Variants in TBC1D16 observed in about 807,000 individuals in gnomAD.
TBC1D16 encodes CTD-2529O21.1.
A neutral mutation model predicts 74.7 loss-of-function variants in TBC1D16; 58 were observed. The ratio of observed to expected loss-of-function variants is 0.78; its 90% CI spans 0.63 to 0.97. The LOEUF is 0.97. TBC1D16 is among the 50% of genes least tolerant of loss of function. The pLI, the probability that TBC1D16 is intolerant of heterozygous loss-of-function variation, is 0.00. For missense variants in TBC1D16, 1,014 were observed against 1,079.5 expected, an observed-to-expected ratio of 0.94 and a Z score of 0.85; for synonymous variants, 493 against 474.7, an observed-to-expected ratio of 1.04 and a Z score of -0.50.
rs371352794 is a variant in TBC1D16, at chr17:79,945,813, A to G, written c.1729-726T>C. 2.8e-4 allele frequency among the ~76,000 whole-genome samples: 43 copies of G among 152,372 alleles called. No individual in the cohort carries two copies. The East Asian group carries it at 7.9e-3, about 28-fold the overall frequency. ...ACACACCCGTTGATGCAGAGTGAGC[A>G]GGCTTGGCTGGGTTCAGCCCCCCGG... is the stretch of plus-strand genomic sequence containing the variant. On this transcript the variant is annotated intron_variant, in intron 9 of 11. Transcript: ENST00000310924.
At chr17:79,952,254 C>A in intron 4 of TBC1D16, 1 of 170,254 alleles carries the variant, frequency 5.9e-6, no homozygotes, top group Non-Finnish European at 1.3e-5. Context: ...ATCGCCCACC[C>A]ATCACGAAAG....
intron 3 of TBC1D16, among the ~76,000 whole-genome samples, chr17:79,978,458 G>T (rs1213780003): frequency 6.6e-6 from 1 of 152,224 alleles, no homozygotes; most frequent in Non-Finnish European, 1.5e-5. Flanking sequence ...CGTGGGGGCG[G>T]GGTGGGGGCC....
At chr17:79,951,408 A>G in intron 5 of TBC1D16, 42 bp downstream of exon 5, 1 of 1,597,654 alleles carries the variant, frequency 6.3e-7, no homozygotes, top group Non-Finnish European at 8.5e-7. Context: ...GGGGGTGGGG[A>G]GTGTCAACCG....
At chr17:80,019,354 C>T (rs1230072684) in intron 1 of TBC1D16, among the ~76,000 whole-genome samples, 1 of 149,494 alleles carries the variant, frequency 6.7e-6, no homozygotes, top group African/African-American at 2.6e-5. Context: ...ATTTCGTGAG[C>T]GGGAAACCCT....
chr17:80,013,635 G>C, intron 1 of TBC1D16, 26 bp from the exon 2 acceptor site: 4 of 1,372,826 alleles, frequency 2.9e-6, no homozygotes, highest in Non-Finnish European at 3.9e-6. Context: ...AGAGGAGATG[G>C]TCAAGGTTGT....
Position 79,948,981 on chromosome 17 carries a change from T to C in TBC1D16, c.1432A>G (p.Arg478Gly). The change falls in exon 8 of 12, where the codon AGA becomes GGA. Residue 478 changes from arginine to glycine, a missense_variant. Transcript: ENST00000310924. ...AACTGCACATTACGCCAGAACGCTC[T>C]GTGCTCCTCGGGAGTCATGGAGAGC... The part of the protein sequence containing the change: ...KRLSMTPEEH[R>G]AFWRNVQFTV... 1 of 1,614,174 alleles carries C rather than the reference T, an allele frequency of 6.2e-7. No individual in the cohort carries two copies.
In TBC1D16 at chr17:79,944,324, T is replaced by A. The variant is rs542935272; in HGVS notation, c.1908+584A>T. Among the ~76,000 whole-genome samples, 3 of 152,260 alleles carry A rather than the reference T, an allele frequency of 2.0e-5. No homozygotes were observed. Among genetic ancestry groups the A allele is most frequent in the African/African-American group, 7.2e-5 (3 of 41,562 alleles). On this transcript the variant is annotated intron_variant, in intron 10 of 11. Transcript: ENST00000310924. The surrounding 1 kb of genome is among the most constrained non-coding windows in gnomAD (Gnocchi z 7.7). ...AAAGAGACTTGCTTATCTTTTGACA[T>A]CTCCAGCTTGTCCCTAGTTTGGGCG...
In TBC1D16 at chr17:79,975,339, C is replaced by T. The variant is rs1462695749; in HGVS notation, c.780-22521G>A. Among the ~76,000 whole-genome samples, 2 of 152,216 alleles carry T rather than the reference C, an allele frequency of 1.3e-5. No individual in the cohort carries two copies. The highest frequency in any genetic ancestry group is 2.4e-5 in the African/African-American group (1 of 41,438). ...TTTGTACAGCCTGAGCTCTGGCCGA[C>T]TGGAATTTCTGCCAGGTCCTATTCA... On this transcript the variant is annotated intron_variant, in intron 3 of 11. Transcript: ENST00000310924. This position sits in a 1 kb window ranked among gnomAD's most constrained non-coding sequence, Gnocchi z 4.5.
rs887901709 is a variant in TBC1D16 at position 79,934,442 on chromosome 17, G to T, written c.*6417C>A. On this transcript the variant is annotated 3_prime_UTR_variant, in exon 12 of 12. Coordinates refer to ENST00000310924, the MANE Select transcript of TBC1D16 (RefSeq NM_019020.4). ...GACATCAGGGGCCCCTGAGCCACCA[G>T]GTTCCTCCATCTTCATGTGGCCACC... 1.5e-4 allele frequency: 23 copies of T among 152,502 alleles called. No individual in the cohort carries two copies. The highest frequency in any genetic ancestry group is 6.5e-4 in the Admixed American group (10 of 15,302). The allele number at this position is 152,502 out of a possible 1,614,324, so 9.4% of individuals were successfully genotyped here.
At chr17:79,951,262 A>G (rs931536915) in intron 5 of TBC1D16, among the ~76,000 whole-genome samples, 188 bp downstream of exon 5, 5 of 152,218 alleles carry the variant, frequency 3.3e-5, no homozygotes, top group African/African-American at 1.2e-4. Context: ...CACTGACTTT[A>G]CCGAAAGCCC....
At chr17:79,948,067 TTGGGAGGCTGAGG>T (rs376564050) in intron 8 of TBC1D16, among the ~76,000 whole-genome samples, 127 of 152,246 alleles carry the variant, frequency 8.3e-4, no homozygotes, top group African/African-American at 2.9e-3. Flanking sequence ...TCCCAGCACT[TTGGGAGGCTGAGG>T]TGGGCAGATC....
Position 79,993,898 on chromosome 17 carries a change from C to T in TBC1D16, c.779+16262G>A, listed in dbSNP as rs530060126. On this transcript the variant is annotated intron_variant, in intron 3 of 11. Coordinates refer to ENST00000310924, the MANE Select transcript of TBC1D16 (RefSeq NM_019020.4). This position sits in a 1 kb window ranked among gnomAD's most constrained non-coding sequence, Gnocchi z 5.1. ...GAGCCCCCAGCCCCCATGCAACCAC[C>T]GGCCGGGGTTGCGTCAAGGCCTCCC... Among the ~76,000 whole-genome samples the T allele has an allele frequency of 2.0e-5, 3 of 152,152 alleles. No homozygotes were observed. Among genetic ancestry groups the T allele is most frequent in the South Asian group, 2.1e-4 (1 of 4,832 alleles).
rs891157808 is a variant in TBC1D16, at chr17:79,971,214, G to C, written c.780-18396C>G. On this transcript the variant is annotated intron_variant, in intron 3 of 11. Transcript: ENST00000310924. This position sits in a 1 kb window ranked among gnomAD's most constrained non-coding sequence, Gnocchi z 4.6. ...ATTTGTGTATTTTTAGTAGAGATGG[G>C]GTTTCACCATGTTGGCCAGGCTGGT... Among the ~76,000 whole-genome samples, 1 of 151,924 alleles carries C rather than the reference G, an allele frequency of 6.6e-6. No individual in the cohort carries two copies. Among genetic ancestry groups the C allele is most frequent in the African/African-American group, 2.4e-5 (1 of 41,368 alleles).
At chr17:80,006,745 A>C in intron 3 of TBC1D16, among the ~76,000 whole-genome samples, 1 of 150,726 alleles carries the variant, frequency 6.6e-6, no homozygotes, top group Admixed American at 6.6e-5. Flanking sequence ...TGCAGCCTTC[A>C]CCTCCCAGGC....
intron 3 of TBC1D16, among the ~76,000 whole-genome samples, chr17:79,960,215 T>C (rs1226007002): frequency 6.6e-6 from 1 of 152,136 alleles, no homozygotes; most frequent in African/African-American, 2.4e-5. Flanking sequence ...GTAATATGCT[T>C]TAAATCATCA....
Position 79,980,923 on chromosome 17 carries a change from T to C in TBC1D16, c.780-28105A>G, listed in dbSNP as rs1197324376. On this transcript the variant is annotated intron_variant, in intron 3 of 11. Coordinates refer to ENST00000310924, the MANE Select transcript of TBC1D16 (RefSeq NM_019020.4). The surrounding 1 kb of genome is among the most constrained non-coding windows in gnomAD (Gnocchi z 7.0). ...AGCTGCTGGGACCATGGCTAGGGGT[T>C]GTGACGTGACCTGGGCCCCGGGAGG... Among the ~76,000 whole-genome samples, 1 of 152,138 alleles carries C rather than the reference T, an allele frequency of 6.6e-6. No individual in the cohort carries two copies. The highest frequency in any genetic ancestry group is 1.5e-5 in the Non-Finnish European group (1 of 68,016).
Position 79,988,600 on chromosome 17 carries a change from A to G in TBC1D16, c.779+21560T>C, listed in dbSNP as rs540681130. Among the ~76,000 whole-genome samples the G allele has an allele frequency of 5.3e-4, 80 of 152,368 alleles. No homozygotes were observed. The highest frequency in any genetic ancestry group is 1.9e-3 in the African/African-American group (79 of 41,592). On this transcript the variant is annotated intron_variant, in intron 3 of 11. Transcript: ENST00000310924. This position sits in a 1 kb window ranked among gnomAD's most constrained non-coding sequence, Gnocchi z 5.7. ...CACGTGCCTGCGTTCTGTACCAAAC[A>G]GTTGTCAACACACACCAGCAACTTA...
chr17:79,969,792 A>G (rs1202841348), intron 3 of TBC1D16, among the ~76,000 whole-genome samples: 1 of 151,896 alleles, frequency 6.6e-6, no homozygotes, highest in Admixed American at 6.6e-5. Flanking sequence ...AAATACAAAA[A>G]TTAGCCAGGT....
rs565307366 is a variant in TBC1D16, at chr17:80,007,758, A to T, written c.779+2402T>A. 6.6e-6 allele frequency among the ~76,000 whole-genome samples: 1 copy of T among 152,026 alleles called. No individual in the cohort carries two copies. The highest frequency in any genetic ancestry group is 1.5e-5 in the Non-Finnish European group (1 of 68,010). ...CTAGCCAAAGGCATGAGGCAGAGAGAGCCCCACAAGATCTAGAGGCAGAGA... is the reference window on the plus strand; with the variant it reads ...CTAGCCAAAGGCATGAGGCAGAGAGTGCCCCACAAGATCTAGAGGCAGAGA... On this transcript the variant is annotated intron_variant, in intron 3 of 11. Transcript: ENST00000310924. The surrounding 1 kb of genome is among the most constrained non-coding windows in gnomAD (Gnocchi z 4.5).
Sources: gnomAD v4.1 joint callset for allele counts (sites outside exome capture counted in the v4.1 genomes callset) on GRCh38, gnomAD v4.1.1 for gene constraint, Gnocchi (gnomAD v3.1) non-coding constraint, MANE v1.5 for transcripts, NCBI Gene and HGNC (gene_info 2026-07-23, HGNC 2026-07-21) for gene names.